The following BMPR2 variants were observed in gnomAD, a reference collection of about 807,000 sequenced individuals.
BMPR2 encodes bone morphogenetic protein receptor type-2.
A neutral mutation model predicts 100.8 loss-of-function variants in BMPR2; 29 were observed. The observed-to-expected ratio is 0.29, with a 90% CI of 0.21 to 0.39. The LOEUF is 0.39. Among genes scored for constraint, BMPR2 ranks in the 10% least tolerant of loss-of-function variants. BMPR2 has a pLI of 1.00. For missense variants in BMPR2, 1,011 were observed against 1,274.5 expected, an observed-to-expected ratio of 0.79 and a Z score of 3.15; for synonymous variants, 382 against 442.3, an observed-to-expected ratio of 0.86 and a Z score of 1.71.
chr2:202,503,656 C>A lies in BMPR2; in HGVS notation c.419-10063C>A, dbSNP rs191412756. 6.6e-6 allele frequency among the ~76,000 whole-genome samples: 1 copy of A among 152,214 alleles called. No homozygotes were observed. Among genetic ancestry groups the A allele is most frequent in the Non-Finnish European group, 1.5e-5 (1 of 68,034 alleles). On this transcript the variant is annotated intron_variant, in intron 3 of 12. Transcript: ENST00000374580. This position sits in a 1 kb window ranked among gnomAD's most constrained non-coding sequence, Gnocchi z 4.0. ...CCCGCCATGCCTGAGCCTCCCACCC[C>A]CTCCATGGGCCCCTGTGCGGCCCGA...
At chr2:202,467,356 C>A (rs994012632) in intron 2 of BMPR2, among the ~76,000 whole-genome samples, 163 bp from the exon 3 acceptor site, 3 of 152,268 alleles carry the variant, frequency 2.0e-5, no homozygotes, top group Non-Finnish European at 4.4e-5. Flanking sequence ...GTATCCTTTA[C>A]CATTTTTCTG....
chr2:202,465,112 G>A lies in BMPR2; in HGVS notation c.247+133G>A, dbSNP rs2105960010. The A allele has an allele frequency of 4.3e-6, 5 of 1,169,184 alleles. No homozygotes were observed. In the East Asian group the frequency reaches 1.3e-4, roughly 30 times the overall value. 72.4% of individuals were successfully genotyped at this position (1,169,184 alleles called of 1,614,324 possible). A position where few individuals can be genotyped will look rare whatever the true frequency, so the allele number is the denominator to read the frequency against. ...TAAAAGTGTATATATAAAGCCAGGT[G>A]TGGTGGCTCATGCCTGTAATTCCAG... On this transcript the variant is annotated intron_variant, in intron 2 of 12. Transcript: ENST00000374580.
chr2:202,398,931 T>A (rs1690706253), intron 1 of BMPR2, among the ~76,000 whole-genome samples: 1 of 151,870 alleles, frequency 6.6e-6, no homozygotes, highest in African/African-American at 2.4e-5. Flanking sequence ...GAGTTCGAGA[T>A]CAGTGTGATC....
chr2:202,490,557 A>G (rs1692880552), intron 3 of BMPR2, among the ~76,000 whole-genome samples: 2 of 152,244 alleles, frequency 1.3e-5, no homozygotes, highest in South Asian at 2.1e-4. Flanking sequence ...TCACTCTGCT[A>G]GCTTTTACTT....
At chr2:202,516,290 T>C (rs190197005) in intron 5 of BMPR2, among the ~76,000 whole-genome samples, 1 of 152,278 alleles carries the variant, frequency 6.6e-6, no homozygotes, top group African/African-American at 2.4e-5. Flanking sequence ...AAAGCCAAAT[T>C]TGAAAAATAA....
intron 1 of BMPR2, among the ~76,000 whole-genome samples, chr2:202,442,720 C>T (rs995157860): frequency 1.0e-4 from 15 of 150,616 alleles, no homozygotes; most frequent in Non-Finnish European, 1.9e-4. Context: ...TGGTACACTT[C>T]TCTTAGCATA....
In BMPR2 at chr2:202,471,912, T is replaced by TTGTGTGTGTG. The variant is rs111523279; in HGVS notation, c.418+4241_418+4250dup. 5.5e-4 allele frequency among the ~76,000 whole-genome samples: 82 copies of TTGTGTGTGTG among 147,848 alleles called. 1 individual carries two copies. Among genetic ancestry groups the TTGTGTGTGTG allele is most frequent in the African/African-American group, 1.4e-3 (57 of 40,392 alleles). On this transcript the variant is annotated intron_variant, in intron 3 of 12. Transcript: ENST00000374580. ...TACTGTGTATTGGTTCAAAAAAAGA[T>TTGTGTGTGTG]TGTGTGTGTGTGTGTGTGTGTGTGT...
intron 5 of BMPR2, among the ~76,000 whole-genome samples, chr2:202,516,723 A>T (rs575811037): frequency 6.6e-6 from 1 of 152,286 alleles, no homozygotes; most frequent in East Asian, 1.9e-4. Flanking sequence ...GTACAGTAAG[A>T]TGTCCAATTT....
Position 202,557,882 on chromosome 2 carries a change from A to G in BMPR2, c.2866+1351A>G, listed in dbSNP as rs193091358. ...GTTGAAATAAAGTAAATACAGTTCA[A>G]GAGCTCCAAGTAATGTTATACCAGT... On this transcript the variant is annotated intron_variant, in intron 12 of 12. Transcript: ENST00000374580. 3.2e-3 allele frequency among the ~76,000 whole-genome samples: 486 copies of G among 152,340 alleles called. 2 individuals are homozygous for G. Among genetic ancestry groups the G allele is most frequent in the African/African-American group, 0.011 (471 of 41,578 alleles).
intron 9 of BMPR2, among the ~76,000 whole-genome samples, chr2:202,538,793 CA>C (rs34853164): frequency 0.17 from 10,199 of 60,376 alleles, 206 homozygotes; most frequent in Non-Finnish European, 0.2. Flanking sequence ...GACTCTGTCT[CA>C]AAAAAAAAAA....
At chr2:202,501,890 G>T (rs376451209) in intron 3 of BMPR2, among the ~76,000 whole-genome samples, 1 of 152,198 alleles carries the variant, frequency 6.6e-6, no homozygotes. Flanking sequence ...GACTTAGGCC[G>T]CCCGAGATGA....
chr2:202,388,295 G>GCT lies in BMPR2; in HGVS notation c.76+10746_76+10747dup, dbSNP rs1294039860. Among the ~76,000 whole-genome samples the GCT allele has an allele frequency of 2.7e-5, 4 of 149,428 alleles. No individual in the cohort carries two copies. In the East Asian group the frequency reaches 6.0e-4, roughly 22 times the overall value. ...GCCTGTAGTCCCAGCTACTTGGGAG[G>GCT]CTGAGGTAGGACAATCGCTTGAACC... is the stretch of plus-strand genomic sequence containing the variant. On this transcript the variant is annotated intron_variant, in intron 1 of 12. Transcript: ENST00000374580.
intron 1 of BMPR2, among the ~76,000 whole-genome samples, chr2:202,379,070 C>T (rs1318883387): frequency 6.6e-6 from 1 of 152,154 alleles, no homozygotes; most frequent in Non-Finnish European, 1.5e-5. Flanking sequence ...AGAATAGTGT[C>T]TCTTAAAAGG....
intron 1 of BMPR2, among the ~76,000 whole-genome samples, chr2:202,440,333 C>T (rs1034977511): frequency 1.4e-5 from 2 of 146,218 alleles, no homozygotes; most frequent in African/African-American, 2.7e-5. Context: ...CAGACGGGGT[C>T]GCGGCCGGGC....
intron 1 of BMPR2, among the ~76,000 whole-genome samples, chr2:202,384,189 A>G (rs1344460855): frequency 6.6e-6 from 1 of 152,152 alleles, no homozygotes; most frequent in East Asian, 1.9e-4. Flanking sequence ...AAAACAAAAC[A>G]AAAAAACACT....
chr2:202,551,339 A>AC (rs1688473490), intron 10 of BMPR2, among the ~76,000 whole-genome samples: 1 of 130,270 alleles, frequency 7.7e-6, no homozygotes, highest in Admixed American at 8.2e-5. Flanking sequence ...ACATAGTGAA[A>AC]CCCCGTCTCT....
intron 1 of BMPR2, among the ~76,000 whole-genome samples, chr2:202,430,537 A>T (rs948964284): frequency 6.6e-6 from 1 of 152,220 alleles, no homozygotes; most frequent in East Asian, 1.9e-4. Flanking sequence ...AGACGCCTAG[A>T]GTAGGTCTTC....
intron 6 of BMPR2, 116 bp from the exon 7 acceptor site, chr2:202,519,971 A>C: frequency 1.4e-6 from 1 of 693,730 alleles, no homozygotes; most frequent in Admixed American, 2.2e-5. Flanking sequence ...AGTTCATTAG[A>C]TCTTCATGGA....
intron 1 of BMPR2, among the ~76,000 whole-genome samples, chr2:202,404,850 T>A (rs973950468): frequency 1.3e-5 from 2 of 151,940 alleles, no homozygotes; most frequent in Non-Finnish European, 2.9e-5. Flanking sequence ...ACTTTTTTTT[T>A]AAGACAGGAT....
Sources: gnomAD v4.1 joint callset for allele counts (sites outside exome capture counted in the v4.1 genomes callset) on GRCh38, gnomAD v4.1.1 for gene constraint, Gnocchi (gnomAD v3.1) non-coding constraint, MANE v1.5 for transcripts, NCBI Gene and HGNC (gene_info 2026-07-23, HGNC 2026-07-21) for gene names.